Variants in MPZL3 observed in about 807,000 individuals in gnomAD.
The protein encoded by MPZL3 is myelin protein zero like 3.
In MPZL3, 23 loss-of-function variants were observed where a neutral mutation model predicts 24.8. The ratio of observed to expected loss-of-function variants is 0.93; its 90% CI spans 0.67 to 1.31. MPZL3 has a LOEUF of 1.31. Ranked by LOEUF, MPZL3 falls within the 40% of genes most tolerant of loss-of-function variation. The pLI, the probability that MPZL3 is intolerant of heterozygous loss-of-function variation, is 0.00. For synonymous variants in MPZL3, 99 were observed against 106.5 expected (o/e 0.93, Z 0.44); for missense variants, 277 against 294.9 (o/e 0.94, Z 0.44).
intron 4 of MPZL3, among the ~76,000 whole-genome samples, chr11:118,233,815 A>AT (rs1949385444): frequency 6.6e-6 from 1 of 152,082 alleles, no homozygotes; most frequent in African/African-American, 2.4e-5. Flanking sequence ...CCAACATGAC[A>AT]AAACCCCGTC....
At position 118,235,485 on chromosome 11, in the gene MPZL3, C is replaced by A; in HGVS notation, c.556G>T (p.Ala186Ser). ...GACCTGCTCCTCTTCTTCAGCCCAG[C>A]AGCCTTCCTCCCCATTCTCACCAGC... ...LLLVRMGRKAAGLKKRSRSGY... is the reference protein window; with the variant it reads ...LLLVRMGRKASGLKKRSRSGY... The change falls in exon 4 of 6, where the codon GCT becomes TCT. Residue 186 changes from alanine (A) to serine (S), a missense_variant. By Grantham distance (99) the Ala-to-Ser change is moderately conservative. Coordinates refer to ENST00000278949, the MANE Select transcript of MPZL3 (RefSeq NM_198275.3). 3 of 1,614,036 alleles carry A rather than the reference C, an allele frequency of 1.9e-6. No individual in the cohort carries two copies. The highest frequency in any genetic ancestry group is 4.5e-5 in the East Asian group (2 of 44,880).
chr11:118,246,326 C>T (rs1489788154), intron 1 of MPZL3, among the ~76,000 whole-genome samples: 3 of 152,070 alleles, frequency 2.0e-5, no homozygotes, highest in African/African-American at 4.8e-5. Flanking sequence ...CAAGTGTTAC[C>T]GGATATACTC....
At chr11:118,251,078 C>CGT (rs3221165) in intron 1 of MPZL3, among the ~76,000 whole-genome samples, 12,790 of 144,178 alleles carry the variant, frequency 0.089, 579 homozygotes, top group Middle Eastern at 0.14. Flanking sequence ...GAATATTTCT[C>CGT]GTGTGTGTGT....
intron 1 of MPZL3, among the ~76,000 whole-genome samples, chr11:118,247,225 A>T (rs1007797913): frequency 6.6e-6 from 1 of 152,202 alleles, no homozygotes; most frequent in Non-Finnish European, 1.5e-5. Context: ...CAAAGAGTAG[A>T]GTAGAGAAAA....
chr11:118,243,736 T>TACTC (rs1949525659), intron 1 of MPZL3, among the ~76,000 whole-genome samples: 3 of 150,330 alleles, frequency 2.0e-5, no homozygotes, highest in Non-Finnish European at 4.4e-5. Flanking sequence ...CACACCACTG[T>TACTC]ACTCCAGCCT....
At chr11:118,235,649 T>C (rs766685593) in intron 3 of MPZL3, 60 bp from the exon 4 acceptor site, 43 of 1,543,468 alleles carry the variant, frequency 2.8e-5, no homozygotes, top group Non-Finnish European at 3.6e-5. Context: ...TCCTGCGACA[T>C]GAGCAACTAG....
intron 2 of MPZL3, among the ~76,000 whole-genome samples, chr11:118,237,711 C>G (rs1451118857): frequency 6.6e-6 from 1 of 152,150 alleles, no homozygotes; most frequent in Non-Finnish European, 1.5e-5. Flanking sequence ...AGTTGGGAAA[C>G]TTTGTTCTAA....
intron 1 of MPZL3, among the ~76,000 whole-genome samples, chr11:118,242,150 A>G (rs961113197): frequency 2.6e-5 from 4 of 152,236 alleles, no homozygotes; most frequent in African/African-American, 9.6e-5. Context: ...CAGATTTAGA[A>G]TTAGCCAAAG....
intron 1 of MPZL3, 45 bp downstream of exon 1, chr11:118,252,177 T>C: frequency 6.2e-7 from 1 of 1,604,894 alleles, no homozygotes; most frequent in Non-Finnish European, 8.5e-7. Context: ...CCATCTTCCC[T>C]AACCCCCCGG....
rs1206564473 is a variant in MPZL3 at position 118,237,092 on chromosome 11, G to A, written c.409C>T (p.His137Tyr). 2 of 1,614,054 alleles carry A rather than the reference G, an allele frequency of 1.2e-6. No individual in the cohort carries two copies. Among genetic ancestry groups the A allele is most frequent in the Non-Finnish European group, 1.7e-6 (2 of 1,179,928 alleles). ...AGCTCTGTCATGGGAATATTATGATGCACATCTGGGGGATTCTTCACAGCA... is the reference window on the plus strand; with the variant it reads ...AGCTCTGTCATGGGAATATTATGATACACATCTGGGGGATTCTTCACAGCA... ...SCAVKNPPDV[H>Y]HNIPMTELTV... Residue 137 changes from histidine to tyrosine, a missense_variant, in exon 3 of 6, where the codon CAT becomes TAT. By Grantham distance (83) the His-to-Tyr change is moderately conservative. Transcript: ENST00000278949.
rs553053475 is a variant in MPZL3, at chr11:118,230,243, A to G, written c.682-323T>C. Among the ~76,000 whole-genome samples the G allele has an allele frequency of 2.2e-4, 33 of 152,290 alleles. No homozygotes were observed. The South Asian group carries it at 2.7e-3, about 12-fold the overall frequency. On this transcript the variant is annotated intron_variant, in intron 5 of 5. Coordinates refer to ENST00000278949, the MANE Select transcript of MPZL3 (RefSeq NM_198275.3). ...AAGTGTCAGTGGAATCACCCCAGCG[A>G]TCCTCTCCTCACTCTCTTGCAGAAA...
In MPZL3 at chr11:118,252,202, T is replaced by C. The variant is rs1467922741; in HGVS notation, c.73+20A>G. 2.5e-6 allele frequency: 4 copies of C among 1,612,912 alleles called. No homozygotes were observed. The highest frequency in any genetic ancestry group is 2.2e-5 in the South Asian group (2 of 91,026). On this transcript the variant is annotated intron_variant, in intron 1 of 5. Coordinates refer to ENST00000278949, the MANE Select transcript of MPZL3 (RefSeq NM_198275.3). ...TAACCCCCCGGCCGGAAGTGGAGCG[T>C]AGCCAGCCGGAGCACTCACCCTGGA...
At chr11:118,241,531 A>AGCATGATACAGTATAG (rs1949499013) in intron 1 of MPZL3, among the ~76,000 whole-genome samples, 5 of 152,186 alleles carry the variant, frequency 3.3e-5, no homozygotes, top group Admixed American at 3.3e-4. Context: ...AACAGTACTT[A>AGCATGATACAGTATAG]CCTCAGAAGG....
intron 1 of MPZL3, among the ~76,000 whole-genome samples, chr11:118,251,054 A>T (rs1031355191): frequency 6.6e-6 from 1 of 150,666 alleles, no homozygotes; most frequent in East Asian, 1.9e-4. Flanking sequence ...TTTTTTCTCA[A>T]TAAGACAATA....
At chr11:118,243,451 C>T (rs1949522277) in intron 1 of MPZL3, among the ~76,000 whole-genome samples, 1 of 152,138 alleles carries the variant, frequency 6.6e-6, no homozygotes, top group African/African-American at 2.4e-5. Context: ...TGGATTCATC[C>T]CCTCCATTCC....
chr11:118,233,683 T>A (rs1352347510), intron 4 of MPZL3, among the ~76,000 whole-genome samples, 160 bp from the exon 5 acceptor site: 1 of 152,136 alleles, frequency 6.6e-6, no homozygotes, highest in Non-Finnish European at 1.5e-5. Flanking sequence ...CCCAGAAGCC[T>A]GTTTCCTCAT....
intron 5 of MPZL3, among the ~76,000 whole-genome samples, chr11:118,233,165 G>A (rs1160950746): frequency 6.6e-6 from 1 of 152,124 alleles, no homozygotes; most frequent in Non-Finnish European, 1.5e-5. Flanking sequence ...TGAATTCAGT[G>A]GCATAGGACA....
At chr11:118,242,235 C>T (rs763769984) in intron 1 of MPZL3, among the ~76,000 whole-genome samples, 1 of 152,186 alleles carries the variant, frequency 6.6e-6, no homozygotes, top group Non-Finnish European at 1.5e-5. Flanking sequence ...GTTCAAGCTT[C>T]AATGTCTTCA....
Position 118,237,199 on chromosome 11 carries a change from G to A in MPZL3, c.302C>T (p.Ser101Phe), listed in dbSNP as rs1159939466. ...TTAGTFRDRI[S>F]WVGNVYKGDA... ...CCCTTTGTATACATTTCCAACCCAGGAAATCCGATCCCGAAATGTGCCTGC... is the reference window on the plus strand; with the variant it reads ...CCCTTTGTATACATTTCCAACCCAGAAAATCCGATCCCGAAATGTGCCTGC... Residue 101 changes from serine (S) to phenylalanine (F), a missense_variant, in exon 3 of 6, where the codon TCC becomes TTC. Coordinates refer to ENST00000278949, the MANE Select transcript of MPZL3 (RefSeq NM_198275.3). 1.2e-6 allele frequency: 2 copies of A among 1,614,090 alleles called. No individual in the cohort carries two copies. Among genetic ancestry groups the A allele is most frequent in the Middle Eastern group, 1.6e-4 (1 of 6,062 alleles).
Sources: allele counts gnomAD v4.1 joint callset (sites outside exome capture counted in the v4.1 genomes callset), GRCh38; gene constraint gnomAD v4.1.1; transcripts MANE v1.5; gene names NCBI Gene and HGNC (gene_info 2026-07-23, HGNC 2026-07-21).